The following CUX2 variants were observed in gnomAD, a reference collection of about 807,000 sequenced individuals.
CUX2 encodes the protein homeobox protein cut-like 2.
A neutral mutation model predicts 144.8 loss-of-function variants in CUX2; 40 were observed. The observed-to-expected ratio is 0.28, with a 90% CI of 0.21 to 0.36. The LOEUF (loss-of-function observed/expected upper bound fraction) is 0.36, where lower values mean the gene tolerates loss of function less well. CUX2 is among the 10% of genes least tolerant of loss of function. CUX2 has a pLI of 1.00. For synonymous variants in CUX2, 827 were observed against 875.6 expected (o/e 0.94, Z 0.98); for missense variants, 1,615 against 1,994.0 (o/e 0.81, Z 3.62).
At chr12:111,192,430 G>A (rs1353291324) in intron 1 of CUX2, among the ~76,000 whole-genome samples, 1 of 151,652 alleles carries the variant, frequency 6.6e-6, no homozygotes. Context: ...GCACCCTGAT[G>A]GCTGAGGGGA....
chr12:111,320,546 C>G lies in CUX2; in HGVS notation c.2537C>G (p.Pro846Arg). Residue 846 changes from proline to arginine, a missense_variant, in exon 17 of 22, where the codon CCC becomes CGC. This residue lies in a region of CUX2 where 390 missense variants were observed against 387.1 expected (regional missense o/e 1.01). Transcript: ENST00000261726. The surrounding 1 kb of genome is among the most constrained non-coding windows in gnomAD (Gnocchi z 8.1). ...DEAAAGAEDE[P>R]PRTGELKAEG... is the part of the protein sequence containing the mutation. ...GCGGCGGCAGGGGCGGAGGACGAAC[C>G]CCCCAGGACGGGCGAGCTCAAGGCT... 6.5e-7 allele frequency: 1 copy of G among 1,536,368 alleles called. No homozygotes were observed. Among genetic ancestry groups the G allele is most frequent in the Non-Finnish European group, 8.7e-7 (1 of 1,150,432 alleles).
chr12:111,311,907 T>G (rs1886926243), intron 15 of CUX2, among the ~76,000 whole-genome samples, 193 bp from the exon 16 acceptor site: 1 of 152,172 alleles, frequency 6.6e-6, no homozygotes, highest in Non-Finnish European at 1.5e-5. Context: ...CTCGTTATTA[T>G]GATTCTTATT....
At chr12:111,222,291 A>C (rs1881895503) in intron 3 of CUX2, among the ~76,000 whole-genome samples, 1 of 152,194 alleles carries the variant, frequency 6.6e-6, no homozygotes, top group South Asian at 2.1e-4. Flanking sequence ...ACTTATTTTT[A>C]CTTGGAGGGA....
chr12:111,318,023 G>A (rs898272149), intron 16 of CUX2, among the ~76,000 whole-genome samples: 1 of 151,274 alleles, frequency 6.6e-6, no homozygotes, highest in Non-Finnish European at 1.5e-5. Context: ...AAAAGAAAAC[G>A]TGATACTGAG....
At chr12:111,247,828 C>T (rs1299190329) in intron 3 of CUX2, among the ~76,000 whole-genome samples, 1 of 152,204 alleles carries the variant, frequency 6.6e-6, no homozygotes, top group East Asian at 1.9e-4. Flanking sequence ...ACCCTTTGGC[C>T]AGAAATTCCA....
chr12:111,103,097 G>A (rs1001695437), intron 1 of CUX2, among the ~76,000 whole-genome samples: 7 of 152,232 alleles, frequency 4.6e-5, no homozygotes, highest in African/African-American at 1.7e-4. Context: ...GGTCTTATTG[G>A]ATGGGGGTGA....
chr12:111,249,605 C>T (rs917399659), intron 3 of CUX2, among the ~76,000 whole-genome samples: 35 of 151,616 alleles, frequency 2.3e-4, no homozygotes, highest in East Asian at 9.7e-4. Flanking sequence ...CACAGGCACG[C>T]GACACCATGC....
intron 3 of CUX2, among the ~76,000 whole-genome samples, chr12:111,221,497 ATCACC>A (rs1881856925): frequency 6.6e-6 from 1 of 152,128 alleles, no homozygotes; most frequent in South Asian, 2.1e-4. Context: ...GTGGGTATTA[ATCACC>A]TCCTGGAAAT....
rs752455389 is a variant in CUX2 at position 111,214,282 on chromosome 12, G to A, written c.146G>A (p.Arg49His). ...TCTCATAAACATTTAATTGAACTCC[G>A]CCGGGAATTTAAGAAAAATGTACCT... ...EHSHKHLIEL[R>H]REFKKNVPEE... is the part of the protein sequence containing the mutation. Residue 49 changes from arginine to histidine, a missense_variant, in exon 2 of 22, where the codon CGC becomes CAC. Transcript: ENST00000261726. 9.3e-6 allele frequency: 15 copies of A among 1,606,000 alleles called. No individual in the cohort carries two copies. The highest frequency in any genetic ancestry group is 1.7e-4 in the Middle Eastern group (1 of 6,028).
intron 8 of CUX2, among the ~76,000 whole-genome samples, chr12:111,297,342 GCCT>G (rs1886062554): frequency 6.6e-6 from 1 of 152,158 alleles, no homozygotes; most frequent in Non-Finnish European, 1.5e-5. Context: ...TCTCAGACAT[GCCT>G]CCTCTTTCTG....
At chr12:111,262,939 C>T (rs977462022) in intron 3 of CUX2, among the ~76,000 whole-genome samples, 10 of 152,190 alleles carry the variant, frequency 6.6e-5, no homozygotes, top group South Asian at 2.1e-4. Context: ...CACCGTGTGC[C>T]GGGCCCTGTG....
intron 4 of CUX2, among the ~76,000 whole-genome samples, chr12:111,285,717 G>C (rs1489476352): frequency 1.3e-5 from 2 of 152,288 alleles, no homozygotes; most frequent in East Asian, 3.9e-4. Context: ...GTGGGAAATC[G>C]GGATCCAGCA....
rs542919429 is a variant in CUX2 at position 111,255,747 on chromosome 12, T to C, written c.223-8014T>C. ...TGCATCCAGTACATAGCACAGTGCC[T>C]GGCACAGAGTCAGTGCTCAGTAGTC... On this transcript the variant is annotated intron_variant, in intron 3 of 21. Transcript: ENST00000261726. This position sits in a 1 kb window ranked among gnomAD's most constrained non-coding sequence, Gnocchi z 4.1. Among the ~76,000 whole-genome samples, 2 of 152,350 alleles carry C rather than the reference T, an allele frequency of 1.3e-5. No individual in the cohort carries two copies. The highest frequency in any genetic ancestry group is 2.4e-5 in the African/African-American group (1 of 41,582).
intron 18 of CUX2, among the ~76,000 whole-genome samples, chr12:111,323,495 T>C (rs1458841087): frequency 6.6e-6 from 1 of 152,166 alleles, no homozygotes; most frequent in Non-Finnish European, 1.5e-5. Flanking sequence ...GCATTAATAT[T>C]TAAAAAGAGG....
intron 3 of CUX2, among the ~76,000 whole-genome samples, chr12:111,245,993 G>A (rs911018383): frequency 1.3e-5 from 2 of 152,148 alleles, no homozygotes; most frequent in East Asian, 1.9e-4. Context: ...CCTGTACCCC[G>A]CTCAGGCAGA....
At chr12:111,127,274 C>G (rs1875149787) in intron 1 of CUX2, among the ~76,000 whole-genome samples, 1 of 152,230 alleles carries the variant, frequency 6.6e-6, no homozygotes, top group Non-Finnish European at 1.5e-5. Context: ...GGTCATGGTT[C>G]TTTACCTGGG....
At chr12:111,154,734 C>G (rs1197378395) in intron 1 of CUX2, among the ~76,000 whole-genome samples, 1 of 152,188 alleles carries the variant, frequency 6.6e-6, no homozygotes, top group Non-Finnish European at 1.5e-5. Flanking sequence ...CAGGGAAGGA[C>G]TGTTCCAGAA....
chr12:111,242,189 G>T (rs946055166), intron 3 of CUX2, among the ~76,000 whole-genome samples: 2 of 152,190 alleles, frequency 1.3e-5, no homozygotes, highest in African/African-American at 2.4e-5. Context: ...ATTCATTATC[G>T]CATTGAATCC....
At chr12:111,133,562 C>A (rs953383830) in intron 1 of CUX2, among the ~76,000 whole-genome samples, 4 of 152,192 alleles carry the variant, frequency 2.6e-5, no homozygotes, top group Admixed American at 6.5e-5. Context: ...CAGTTACCTC[C>A]CTTTGGGTCC....
Sources: gnomAD v4.1 joint callset for allele counts (sites outside exome capture counted in the v4.1 genomes callset) on GRCh38, gnomAD v4.1.1 for gene constraint, gnomAD v4.1.1 regional missense constraint, Gnocchi (gnomAD v3.1) non-coding constraint, MANE v1.5 for transcripts, NCBI Gene and HGNC (gene_info 2026-07-23, HGNC 2026-07-21) for gene names.